AUNIP: variants seen among roughly 807,000 people sequenced by gnomAD.
AUNIP encodes the protein aurora kinase A- and ninein-interacting protein.
In AUNIP, 16 loss-of-function variants were observed where a neutral mutation model predicts 12.2. The observed-to-expected ratio is 1.31, with a 90% confidence interval of 0.88 to 1.99. AUNIP has a LOEUF of 1.99. Among genes scored for constraint, AUNIP ranks in the 30% most tolerant of loss-of-function variants. The pLI is 0.00. For missense variants in AUNIP, 411 were observed against 419.1 expected, an observed-to-expected ratio of 0.98 and a Z score of 0.17; for synonymous variants, 142 against 154.8, an observed-to-expected ratio of 0.92 and a Z score of 0.61.
rs768816304 is a variant in AUNIP at position 25,859,349 on chromosome 1, C to T, written c.9G>A (p.Arg3=). ...CGCAGGCCTCCTCCTCGGGGCCTGT[C>T]CGCCTCATGGCCGCTGAGGAGACGA... MR[R]TGPEEEACGV... Residue 3 remains arginine (R), a synonymous_variant, in exon 1 of 3, where the codon CGG becomes CGA. Transcript: ENST00000374298. 4 of 1,544,524 alleles carry T rather than the reference C, an allele frequency of 2.6e-6. 1 individual carries two copies. The South Asian group carries it at 4.8e-5, about 18-fold the overall frequency.
At chr1:25,841,622 C>T (rs1187499416) in intron 1 of AUNIP, among the ~76,000 whole-genome samples, 1 of 151,876 alleles carries the variant, frequency 6.6e-6, no homozygotes, top group Non-Finnish European at 1.5e-5. Flanking sequence ...CTCCTGGGTT[C>T]ACGCCATTCT....
At chr1:25,832,304 T>A, downstream of AUNIP, 1 of 909,628 alleles carries the variant, frequency 1.1e-6, no homozygotes, top group Non-Finnish European at 1.6e-6. Flanking sequence ...AAGTTGTTTC[T>A]GGTTTTTCCT....
chr1:25,835,995 C>G, intron 2 of AUNIP, 149 bp from the exon 3 acceptor site: 1 of 1,264,264 alleles, frequency 7.9e-7, no homozygotes, highest in Non-Finnish European at 1.1e-6. Flanking sequence ...AGCCAATCTT[C>G]CTGTTTTCAA....
intron 1 of AUNIP, among the ~76,000 whole-genome samples, chr1:25,844,243 AT>A (rs2048367417): frequency 6.6e-6 from 1 of 152,098 alleles, no homozygotes; most frequent in Non-Finnish European, 1.5e-5. Context: ...AGTAGCTGGG[AT>A]TATAGGTGTG....
At chr1:25,832,474 T>A, downstream of AUNIP, 1 of 332,804 alleles carries the variant, frequency 3.0e-6, no homozygotes, top group Non-Finnish European at 5.8e-6. Flanking sequence ...TGTATACATG[T>A]TCACAGGGCA....
intron 1 of AUNIP, 49 bp downstream of exon 1, chr1:25,859,231 T>G: frequency 6.5e-7 from 1 of 1,545,038 alleles, no homozygotes; most frequent in South Asian, 1.2e-5. Flanking sequence ...GTCTTACGCC[T>G]CCAGGCCCTA....
chr1:25,846,236 T>C (rs1266094918), intron 1 of AUNIP, among the ~76,000 whole-genome samples: 3 of 151,738 alleles, frequency 2.0e-5, no homozygotes, highest in African/African-American at 7.3e-5. Context: ...CTGGCCAACA[T>C]AGTGAAACCT....
Position 25,838,896 on chromosome 1 carries a change from G to A in AUNIP, c.79-1342C>T, listed in dbSNP as rs189997889. Among the ~76,000 whole-genome samples, 384 of 152,264 alleles carry A rather than the reference G, an allele frequency of 2.5e-3. 5 individuals carry two copies. The highest frequency in any genetic ancestry group is 8.6e-3 in the African/African-American group (357 of 41,556). ...TATTCATGCAGCAAGTTAGAGGTAGGCCTGAATCTTGAAGCCGAGTTATTT... is the reference window on the plus strand; with the variant it reads ...TATTCATGCAGCAAGTTAGAGGTAGACCTGAATCTTGAAGCCGAGTTATTT... On this transcript the variant is annotated intron_variant, in intron 1 of 2. Coordinates refer to ENST00000374298, the MANE Select transcript of AUNIP (RefSeq NM_024037.3).
chr1:25,849,028 G>A (rs1401005818), intron 1 of AUNIP, among the ~76,000 whole-genome samples: 2 of 152,182 alleles, frequency 1.3e-5, no homozygotes, highest in African/African-American at 4.8e-5. Flanking sequence ...TATGAAACCT[G>A]AGAATGGTTC....
rs1491081244 is a variant in AUNIP at position 25,834,633 on chromosome 1, A to AAC, written c.*358_*359dup. ...TCCATCTCAAAAAAAAAAAAAAAAA[A>AAC]ACACATCCATAAGCAAGGTCCCAGT... On this transcript the variant is annotated 3_prime_UTR_variant, in exon 3 of 3. Transcript: ENST00000374298. 2.5e-5 allele frequency: 25 copies of AAC among 987,862 alleles called. No homozygotes were observed. In the African/African-American group the frequency reaches 4.6e-4, roughly 18 times the overall value. 61.2% of individuals were successfully genotyped at this position (987,862 alleles called of 1,614,324 possible). A position where few individuals can be genotyped will look rare whatever the true frequency, so the allele number is the denominator to read the frequency against.
At position 25,859,227 on chromosome 1, in the gene AUNIP, C is replaced by T. The variant is rs138279426; in HGVS notation, c.78+53G>A. 425 of 1,537,140 alleles carry T rather than the reference C, an allele frequency of 2.8e-4. 6 individuals are homozygous for T. In the East Asian group the frequency reaches 8.4e-3, roughly 30 times the overall value. The stretch of plus-strand genomic sequence containing the variant: ...TGTCCCCCAAACTCCTCCCGTCTTA[C>T]GCCTCCAGGCCCTACCTGGTTCCCA... On this transcript the variant is annotated intron_variant, in intron 1 of 2. Transcript: ENST00000374298.
chr1:25,855,017 C>T (rs931224959), intron 1 of AUNIP, among the ~76,000 whole-genome samples: 3 of 138,862 alleles, frequency 2.2e-5, no homozygotes, highest in South Asian at 2.2e-4. Flanking sequence ...AGTGCAGTGG[C>T]GCAACCTTGG....
At chr1:25,849,139 C>G (rs1371302610) in intron 1 of AUNIP, among the ~76,000 whole-genome samples, 1 of 152,198 alleles carries the variant, frequency 6.6e-6, no homozygotes, top group Non-Finnish European at 1.5e-5. Context: ...ATACTTCCTG[C>G]TTCTGTGGCA....
In AUNIP at chr1:25,835,587, A is replaced by G. The variant is rs759274603; in HGVS notation, c.480T>C (p.Thr160=). 2.5e-6 allele frequency: 4 copies of G among 1,614,212 alleles called. No homozygotes were observed. The South Asian group carries it at 4.4e-5, about 18-fold the overall frequency. Residue 160 remains threonine, a synonymous_variant, in exon 3 of 3, where the codon ACT becomes ACC. Coordinates refer to ENST00000374298, the MANE Select transcript of AUNIP (RefSeq NM_024037.3). ...TATGACTATCTCCAGCACAGTCTGGAGTATCAGGCTGGAGCAAAGATAGCT... is the reference window on the plus strand; with the variant it reads ...TATGACTATCTCCAGCACAGTCTGGGGTATCAGGCTGGAGCAAAGATAGCT... ...STELSLLQPD[T]PDCAGDSHTP...
rs544845087 is a variant in AUNIP, at chr1:25,847,121, T to G, written c.79-9567A>C. Among the ~76,000 whole-genome samples, 1 of 152,370 alleles carries G rather than the reference T, an allele frequency of 6.6e-6. No homozygotes were observed. The highest frequency in any genetic ancestry group is 1.9e-4 in the East Asian group (1 of 5,188). On this transcript the variant is annotated intron_variant, in intron 1 of 2. Coordinates refer to ENST00000374298, the MANE Select transcript of AUNIP (RefSeq NM_024037.3). This position sits in a 1 kb window ranked among gnomAD's most constrained non-coding sequence, Gnocchi z 4.2. ...GTCACATTTTCTATTTTTATTTTTC[T>G]CTGTCCTTTACCTACTCAGCTACCA...
In AUNIP at chr1:25,834,855, GAGA is replaced by G. The variant is rs1412587536; in HGVS notation, c.*135_*137del. On this transcript the variant is annotated 3_prime_UTR_variant, in exon 3 of 3. Transcript: ENST00000374298. ...AATGGTACTGCCCTTTATTTACACA[GAGA>G]AGATGCTCAGTAATGACAACTTCAT... 2.0e-6 allele frequency: 3 copies of G among 1,491,874 alleles called. No individual in the cohort carries two copies. In the East Asian group the frequency reaches 6.9e-5, roughly 34 times the overall value. The allele number at this position is 1,491,874 out of a possible 1,614,324, so 92.4% of individuals were successfully genotyped here.
At position 25,835,513 on chromosome 1, in the gene AUNIP, A is replaced by C; in HGVS notation, c.554T>G (p.Leu185Arg). Reference protein sequence around the residue: ...FTEDLESSCLLDRKEEKGDSA... With the variant: ...FTEDLESSCLRDRKEEKGDSA... ...ATCCCCTTTTTCTTCCTTTCGGTCTAGCAAACAAGAACTTTCCAAGTCCTC... is the reference window on the plus strand; with the variant it reads ...ATCCCCTTTTTCTTCCTTTCGGTCTCGCAAACAAGAACTTTCCAAGTCCTC... Residue 185 changes from leucine (L) to arginine (R), a missense_variant, in exon 3 of 3, where the codon CTA (leucine) becomes CGA (arginine). Transcript: ENST00000374298. 3 of 1,614,230 alleles carry C rather than the reference A, an allele frequency of 1.9e-6. No homozygotes were observed. The highest frequency in any genetic ancestry group is 2.5e-6 in the Non-Finnish European group (3 of 1,180,046).
chr1:25,844,490 C>T (rs756646763), intron 1 of AUNIP, among the ~76,000 whole-genome samples: 6 of 152,196 alleles, frequency 3.9e-5, no homozygotes, highest in Non-Finnish European at 5.9e-5. Flanking sequence ...AAAATGTTCT[C>T]ATGGTTCCAC....
intron 2 of AUNIP, 28 bp downstream of exon 2, chr1:25,837,385 T>C (rs770177887): frequency 1.2e-6 from 2 of 1,602,140 alleles, no homozygotes; most frequent in African/African-American, 1.3e-5. Context: ...CTCTGGATAA[T>C]GAAGTATTCC....
Sources: allele counts gnomAD v4.1 joint callset (sites outside exome capture counted in the v4.1 genomes callset), GRCh38; gene constraint gnomAD v4.1.1; non-coding constraint Gnocchi (gnomAD v3.1); transcripts MANE v1.5; gene names NCBI Gene and HGNC (gene_info 2026-07-23, HGNC 2026-07-21).